Variants in HIVEP3 observed in about 807,000 individuals in gnomAD.
The protein encoded by HIVEP3 is transcription factor HIVEP3.
HIVEP3 carries 49 observed loss-of-function variants against 152.8 expected under a neutral mutation model. That is an observed-to-expected ratio of 0.32 (90% CI 0.26 to 0.41). HIVEP3 has a LOEUF of 0.41. HIVEP3 is among the 10% of genes least tolerant of loss of function. The pLI, the probability that HIVEP3 is intolerant of heterozygous loss-of-function variation, is 1.00. For synonymous variants in HIVEP3, 1,269 were observed against 1,289.0 expected (o/e 0.98, Z 0.33); for missense variants, 2,790 against 3,103.3 (o/e 0.90, Z 2.40).
At chr1:41,799,893 G>C (rs1650205153) in intron 1 of HIVEP3, among the ~76,000 whole-genome samples, 1 of 152,104 alleles carries the variant, frequency 6.6e-6, no homozygotes, top group Admixed American at 6.5e-5. Context: ...CCTGGTGCCT[G>C]AGAAGCTGCA....
At position 41,915,120 on chromosome 1, in the gene HIVEP3, T is replaced by C. The variant is rs1476279379; in HGVS notation, c.-801+3293A>G. 3.0e-5 allele frequency among the ~76,000 whole-genome samples: 4 copies of C among 134,108 alleles called. No homozygotes were observed. In the East Asian group the frequency reaches 9.4e-4, roughly 31 times the overall value. The allele number at this position is 134,108 out of a possible 152,430, so 88.0% of individuals were successfully genotyped here. A position where few individuals can be genotyped will look rare whatever the true frequency, so the allele number is the denominator to read the frequency against. ...CATTATCATGGATAGTTGCAGTTTT[T>C]TCTCTAAGAATCATGCAAAAAAAAA... is the stretch of plus-strand genomic sequence containing the variant. On this transcript the variant is annotated intron_variant, in intron 1 of 8. Coordinates refer to ENST00000372583, the MANE Select transcript of HIVEP3 (RefSeq NM_024503.5).
chr1:41,752,043 C>G (rs371807232), intron 1 of HIVEP3, among the ~76,000 whole-genome samples: 1 of 152,194 alleles, frequency 6.6e-6, no homozygotes, highest in African/African-American at 2.4e-5. Flanking sequence ...CAAGTCTTAC[C>G]TATGTCATCA....
At chr1:41,874,499 G>A (rs1013867009) in intron 1 of HIVEP3, among the ~76,000 whole-genome samples, 8 of 152,130 alleles carry the variant, frequency 5.3e-5, no homozygotes, top group South Asian at 2.1e-4. Flanking sequence ...TCTAAGGTTC[G>A]AAATGTGGAC....
In HIVEP3 at chr1:41,583,700, G is replaced by C. The variant is rs772101618; in HGVS notation, c.1098C>G (p.Leu366=). The C allele has an allele frequency of 6.2e-7, 1 of 1,612,984 alleles. No individual in the cohort carries two copies. The highest frequency in any genetic ancestry group is 1.1e-5 in the South Asian group (1 of 90,880). The change falls in exon 4 of 9, where the codon CTC becomes CTG. Residue 366 remains leucine (L), a synonymous_variant. Coordinates refer to ENST00000372583, the MANE Select transcript of HIVEP3 (RefSeq NM_024503.5). This position sits in a 1 kb window ranked among gnomAD's most constrained non-coding sequence, Gnocchi z 6.9. ...DTHTIKQKLA[L]RLSERKKVID... ...TCACCTTCTTCCTCTCGCTTAAGCGGAGGGCCAGCTTCTGCTTAATCGTGT... is the reference window on the plus strand; with the variant it reads ...TCACCTTCTTCCTCTCGCTTAAGCGCAGGGCCAGCTTCTGCTTAATCGTGT...
chr1:42,030,100 A>T (rs1031600919), intron 1 of HIVEP3, among the ~76,000 whole-genome samples: 1 of 151,740 alleles, frequency 6.6e-6, no homozygotes, highest in Non-Finnish European at 1.5e-5. Flanking sequence ...TGAAGAAGCC[A>T]TCAGGTCAGA....
At chr1:41,710,726 T>C (rs1646500580) in intron 1 of HIVEP3, among the ~76,000 whole-genome samples, 1 of 152,222 alleles carries the variant, frequency 6.6e-6, no homozygotes, top group African/African-American at 2.4e-5. Flanking sequence ...ACCTTATTCC[T>C]GGGCACTGGT....
At chr1:41,683,680 C>T (rs1646073630) in intron 2 of HIVEP3, among the ~76,000 whole-genome samples, 1 of 152,200 alleles carries the variant, frequency 6.6e-6, no homozygotes, top group African/African-American at 2.4e-5. Context: ...ATTTTACCTA[C>T]ACTGAAAATC....
chr1:41,872,639 G>A (rs1248615485), intron 1 of HIVEP3, among the ~76,000 whole-genome samples: 1 of 152,068 alleles, frequency 6.6e-6, no homozygotes, highest in Non-Finnish European at 1.5e-5. Flanking sequence ...TCATGTAAAT[G>A]GAATTGTACA....
intron 2 of HIVEP3, among the ~76,000 whole-genome samples, chr1:41,656,004 G>C (rs908160848): frequency 6.6e-6 from 1 of 152,178 alleles, no homozygotes; most frequent in Admixed American, 6.5e-5. Flanking sequence ...GTGGCTCAGA[G>C]CCCTTTGGGT....
chr1:41,518,208 C>T (rs560246765), intron 7 of HIVEP3, among the ~76,000 whole-genome samples, 194 bp downstream of exon 7: 14 of 151,958 alleles, frequency 9.2e-5, no homozygotes, highest in African/African-American at 2.7e-4. Flanking sequence ...GGAGGTGGCT[C>T]GATCATTCAG....
intron 3 of HIVEP3, among the ~76,000 whole-genome samples, chr1:41,615,793 G>T (rs1322457959): frequency 1.4e-5 from 2 of 144,844 alleles, no homozygotes; most frequent in Non-Finnish European, 3.0e-5. Context: ...GCGATGCAGG[G>T]CTTCCACTGT....
At chr1:41,666,906 A>G (rs762709530) in intron 2 of HIVEP3, among the ~76,000 whole-genome samples, 1 of 152,132 alleles carries the variant, frequency 6.6e-6, no homozygotes, top group Non-Finnish European at 1.5e-5. Flanking sequence ...TGCTCCCACC[A>G]TACAGAATCT....
At chr1:41,973,074 A>ACACACACACACC (rs1553139439) in intron 1 of HIVEP3, among the ~76,000 whole-genome samples, 1 of 151,776 alleles carries the variant, frequency 6.6e-6, no homozygotes, top group African/African-American at 2.4e-5. Context: ...ACACACACAC[A>ACACACACACACC]ATTATGAAAG....
intron 1 of HIVEP3, chr1:41,848,563 G>A (rs1233732657): frequency 1.3e-5 from 2 of 152,338 alleles, no homozygotes; most frequent in Admixed American, 6.5e-5. Context: ...GACACAATAG[G>A]AAGCGAGGGA....
intron 2 of HIVEP3, among the ~76,000 whole-genome samples, chr1:41,633,194 C>A (rs1289177417): frequency 6.6e-6 from 1 of 152,156 alleles, no homozygotes; most frequent in Admixed American, 6.5e-5. Context: ...TTATCTCCCT[C>A]TTCTCCCCCC....
chr1:41,620,568 G>A (rs1645032610), intron 3 of HIVEP3, among the ~76,000 whole-genome samples: 2 of 151,962 alleles, frequency 1.3e-5, no homozygotes, highest in Admixed American at 1.3e-4. Flanking sequence ...TCTCTGCACT[G>A]CTCACCTTGA....
chr1:41,644,693 C>CTTTTTTTTTTTTTTTTTT (rs60511656), intron 2 of HIVEP3, among the ~76,000 whole-genome samples: 3 of 74,730 alleles, frequency 4.0e-5, no homozygotes, highest in Non-Finnish European at 7.2e-5. Context: ...CATATCTGTT[C>CTTTTTTTTTTTTTTTTTT]TTTTTTTTTT....
At chr1:41,644,270 T>A (rs2149158649) in intron 2 of HIVEP3, among the ~76,000 whole-genome samples, 1 of 152,238 alleles carries the variant, frequency 6.6e-6, no homozygotes, top group South Asian at 2.1e-4. Flanking sequence ...CTGAAGTAGC[T>A]AAACTCATGG....
intron 1 of HIVEP3, among the ~76,000 whole-genome samples, chr1:42,031,715 C>T (rs1645613701): frequency 6.6e-6 from 1 of 152,052 alleles, no homozygotes; most frequent in Non-Finnish European, 1.5e-5. Context: ...GGCCCCACCC[C>T]CCAAAAAATG....
Sources: allele counts gnomAD v4.1 joint callset (sites outside exome capture counted in the v4.1 genomes callset), GRCh38; gene constraint gnomAD v4.1.1; non-coding constraint Gnocchi (gnomAD v3.1); transcripts MANE v1.5; gene names NCBI Gene and HGNC (gene_info 2026-07-23, HGNC 2026-07-21).